The following PDE3B variants were observed in gnomAD, a reference collection of about 807,000 sequenced individuals.
PDE3B encodes the protein phosphodiesterase 3B, also known as cGMP-inhibited 3',5'-cyclic phosphodiesterase 3B.
A neutral mutation model predicts 116.8 loss-of-function variants in PDE3B; 66 were observed. The observed-to-expected ratio is 0.56, with a 90% CI of 0.46 to 0.69. The LOEUF is 0.69. PDE3B is among the 30% of genes least tolerant of loss of function. The pLI is 0.00. For synonymous variants in PDE3B, 595 were observed against 533.6 expected (o/e 1.12, Z -1.59); for missense variants, 1,384 against 1,368.1 (o/e 1.01, Z -0.18).
chr11:14,795,631 G>A (rs1029858571), intron 4 of PDE3B, among the ~76,000 whole-genome samples: 3 of 152,196 alleles, frequency 2.0e-5, no homozygotes, highest in African/African-American at 4.8e-5. Flanking sequence ...AGACAGTGGA[G>A]CAGTGCTGTG....
intron 1 of PDE3B, among the ~76,000 whole-genome samples, chr11:14,746,491 A>G (rs1160795485): frequency 6.6e-6 from 1 of 152,222 alleles, no homozygotes; most frequent in African/African-American, 2.4e-5. Flanking sequence ...GATGCTGTAA[A>G]GGCTTCACCC....
chr11:14,687,393 T>C (rs1854908121), intron 1 of PDE3B, among the ~76,000 whole-genome samples: 1 of 152,214 alleles, frequency 6.6e-6, no homozygotes. Context: ...GGAGCTTTTT[T>C]CTAAAGTATA....
rs879289002 is a variant in PDE3B, at chr11:14,824,175, C to A, written c.1807+4966C>A. ...ACCACATCAATCAGAGGCAGCCCAG[C>A]AGTTAAAGGAAGAGCCACATGCAGA... On this transcript the variant is annotated intron_variant, in intron 7 of 15. Coordinates refer to ENST00000282096, the MANE Select transcript of PDE3B (RefSeq NM_000922.4). Among the ~76,000 whole-genome samples the A allele has an allele frequency of 2.0e-5, 3 of 152,168 alleles. 1 individual carries two copies. Among genetic ancestry groups the A allele is most frequent in the Admixed American group, 2.0e-4 (3 of 15,274 alleles).
intron 1 of PDE3B, among the ~76,000 whole-genome samples, chr11:14,704,773 A>G (rs1565099430): frequency 6.6e-6 from 1 of 151,734 alleles, no homozygotes; most frequent in Non-Finnish European, 1.5e-5. Flanking sequence ...CATAGACCTA[A>G]ATTTAAAACT....
intron 1 of PDE3B, among the ~76,000 whole-genome samples, chr11:14,677,423 A>G (rs1374685179): frequency 6.6e-6 from 1 of 152,200 alleles, no homozygotes; most frequent in Non-Finnish European, 1.5e-5. Flanking sequence ...TAACTTGCGT[A>G]TATGTAATGA....
chr11:14,667,515 A>C (rs1291021268), intron 1 of PDE3B, among the ~76,000 whole-genome samples: 1 of 151,980 alleles, frequency 6.6e-6, no homozygotes. Flanking sequence ...GCCATAAAAA[A>C]GGATGAGTTC....
chr11:14,713,588 T>C (rs1177261699), intron 1 of PDE3B, among the ~76,000 whole-genome samples: 1 of 152,138 alleles, frequency 6.6e-6, no homozygotes, highest in Non-Finnish European at 1.5e-5. Flanking sequence ...TGCTTCAGAC[T>C]TGGACTGAAA....
intron 7 of PDE3B, among the ~76,000 whole-genome samples, chr11:14,824,657 A>G (rs1859630375): frequency 6.6e-6 from 1 of 152,226 alleles, no homozygotes; most frequent in Non-Finnish European, 1.5e-5. Context: ...GGCCAAATCT[A>G]CACATCATTG....
chr11:14,854,352 T>C (rs1404153950), intron 12 of PDE3B, among the ~76,000 whole-genome samples: 2 of 152,122 alleles, frequency 1.3e-5, no homozygotes, highest in African/African-American at 4.8e-5. Flanking sequence ...AAAGTAAATT[T>C]CTCTCATTCT....
At chr11:14,878,844 A>G in the PDE3B span, among the ~76,000 whole-genome samples, 1 of 152,050 alleles carries the variant, frequency 6.6e-6, no homozygotes, top group Non-Finnish European at 1.5e-5. Flanking sequence ...CTGTTACTGA[A>G]TTCTCATTCC....
At chr11:14,853,525 G>A (rs531793197) in intron 12 of PDE3B, among the ~76,000 whole-genome samples, 3 of 152,312 alleles carry the variant, frequency 2.0e-5, no homozygotes, top group African/African-American at 4.8e-5. Flanking sequence ...AAGGACCCTT[G>A]TAAAAATCTA....
intron 1 of PDE3B, chr11:14,673,612 G>T: frequency 1.6e-6 from 1 of 635,550 alleles, no homozygotes; most frequent in Non-Finnish European, 3.1e-6. Context: ...TTCTCAGGAG[G>T]AGCCACTTCA....
intron 7 of PDE3B, among the ~76,000 whole-genome samples, chr11:14,828,117 A>G (rs1243545401): frequency 6.6e-6 from 1 of 152,224 alleles, no homozygotes; most frequent in East Asian, 1.9e-4. Context: ...GGCTAGCCAT[A>G]TGTAGAAGAT....
In PDE3B at chr11:14,739,288, G is replaced by T. The variant is rs924971888; in HGVS notation, c.979-32649G>T. 5.9e-5 allele frequency among the ~76,000 whole-genome samples: 9 copies of T among 152,240 alleles called. No individual in the cohort carries two copies. In the South Asian group the frequency reaches 1.5e-3, roughly 25 times the overall value. Reference sequence around the variant, plus strand: ...TCCTCTCTTATTTCCTTGAGCAGTGGTTTGTAGTTTTCCTTGAAGAGGTCC... The same window carrying T: ...TCCTCTCTTATTTCCTTGAGCAGTGTTTTGTAGTTTTCCTTGAAGAGGTCC... On this transcript the variant is annotated intron_variant, in intron 1 of 15. Coordinates refer to ENST00000282096, the MANE Select transcript of PDE3B (RefSeq NM_000922.4).
At chr11:14,775,381 T>A (rs1857756341) in intron 2 of PDE3B, 1 of 152,136 alleles carries the variant, frequency 6.6e-6, no homozygotes, top group African/African-American at 2.4e-5. Context: ...CCCAATACAT[T>A]TTTGTTTTGT....
chr11:14,739,166 A>G (rs894956476), intron 1 of PDE3B, among the ~76,000 whole-genome samples: 1 of 152,168 alleles, frequency 6.6e-6, no homozygotes, highest in Admixed American at 6.5e-5. Flanking sequence ...TGATGGGGAT[A>G]GCACTGAATC....
intron 1 of PDE3B, among the ~76,000 whole-genome samples, chr11:14,649,427 C>T (rs1048752276): frequency 4.6e-4 from 70 of 152,148 alleles, no homozygotes; most frequent in African/African-American, 1.6e-3. Flanking sequence ...GATAAAAATA[C>T]TGGCTGAGGG....
At chr11:14,800,806 A>T (rs1858733338) in intron 4 of PDE3B, among the ~76,000 whole-genome samples, 2 of 152,046 alleles carry the variant, frequency 1.3e-5, no homozygotes, top group Non-Finnish European at 2.9e-5. Flanking sequence ...TCAAACGCAG[A>T]TTTGGTATTT....
chr11:14,697,404 A>G (rs1279791259), intron 1 of PDE3B, among the ~76,000 whole-genome samples: 3 of 152,100 alleles, frequency 2.0e-5, no homozygotes, highest in Non-Finnish European at 4.4e-5. Flanking sequence ...TTTTTCATAA[A>G]CTAAGTGACT....
Sources: allele counts gnomAD v4.1 joint callset (sites outside exome capture counted in the v4.1 genomes callset), GRCh38; gene constraint gnomAD v4.1.1; transcripts MANE v1.5; gene names NCBI Gene and HGNC (gene_info 2026-07-23, HGNC 2026-07-21).